Variants in TPRG1 observed in about 807,000 individuals in gnomAD.
TPRG1 encodes the protein tumor protein p63-regulated gene 1 protein.
A neutral mutation model predicts 29.3 loss-of-function variants in TPRG1; 29 were observed. The observed-to-expected ratio is 0.99, with a 90% CI of 0.74 to 1.35. The LOEUF (loss-of-function observed/expected upper bound fraction) is 1.35, where lower values mean the gene tolerates loss of function less well. Ranked by LOEUF, TPRG1 falls within the 40% of genes most tolerant of loss-of-function variation. The probability of loss-of-function intolerance (pLI) is 0.00; values close to 1 mark genes in which losing one functional copy is unlikely to be tolerated. For missense variants in TPRG1, 327 were observed against 335.0 expected (o/e 0.98, Z 0.19); for synonymous variants, 130 against 116.8 (o/e 1.11, Z -0.73).
intron 3 of TPRG1, among the ~76,000 whole-genome samples, chr3:189,145,864 T>C (rs1355426230): frequency 5.9e-5 from 9 of 152,196 alleles, no homozygotes; most frequent in Admixed American, 5.2e-4. Flanking sequence ...GAAAGTACGT[T>C]AATGATGACT....
intron 4 of TPRG1, among the ~76,000 whole-genome samples, chr3:189,274,182 G>A (rs537324158): frequency 1.1e-3 from 160 of 151,312 alleles, no homozygotes; most frequent in Middle Eastern, 3.4e-3. Context: ...AGAGTCTGAT[G>A]AGCCTGTGAG....
intron 4 of TPRG1, among the ~76,000 whole-genome samples, chr3:189,049,957 C>T (rs2152138884): frequency 6.6e-6 from 1 of 152,172 alleles, no homozygotes; most frequent in East Asian, 1.9e-4. Flanking sequence ...GTTCGTAGCC[C>T]TAAACACCTA....
At chr3:189,080,744 C>A (rs1717536391) in intron 4 of TPRG1, among the ~76,000 whole-genome samples, 1 of 151,706 alleles carries the variant, frequency 6.6e-6, no homozygotes, top group Non-Finnish European at 1.5e-5. Flanking sequence ...TATATTGATG[C>A]AGTGTGGGGA....
intron 4 of TPRG1, among the ~76,000 whole-genome samples, chr3:189,291,071 T>G (rs932035392): frequency 4.6e-5 from 7 of 152,008 alleles, no homozygotes; most frequent in African/African-American, 1.7e-4. Context: ...CTGGCTAATT[T>G]TTTTTATTTT....
At chr3:189,246,744 A>G (rs1024077526) in intron 4 of TPRG1, among the ~76,000 whole-genome samples, 2 of 151,966 alleles carry the variant, frequency 1.3e-5, no homozygotes, top group African/African-American at 4.8e-5. Context: ...CTTGAGGAAT[A>G]TTTTCTCTAG....
At chr3:189,164,966 A>G (rs892404814) in intron 5 of TPRG1, among the ~76,000 whole-genome samples, 4 of 152,142 alleles carry the variant, frequency 2.6e-5, no homozygotes, top group African/African-American at 9.7e-5. Flanking sequence ...TTTCCTTCAC[A>G]AAAACCTCCA....
At chr3:189,008,613 C>G (rs1560390733) in intron 3 of TPRG1, among the ~76,000 whole-genome samples, 1 of 151,984 alleles carries the variant, frequency 6.6e-6, no homozygotes, top group African/African-American at 2.4e-5. Flanking sequence ...CCTTCCAAAG[C>G]AGTATTTTTT....
At chr3:189,148,327 A>G (rs968159492) in intron 4 of TPRG1, among the ~76,000 whole-genome samples, 10 of 152,242 alleles carry the variant, frequency 6.6e-5, no homozygotes, top group African/African-American at 2.4e-4. Context: ...TCCTGGCTGC[A>G]AAGGGCTCAC....
chr3:189,320,932 T>G lies in TPRG1; in HGVS notation c.*112T>G, dbSNP rs1355503104. On this transcript the variant is annotated 3_prime_UTR_variant, in exon 6 of 6. Transcript: ENST00000345063. ...CAATTAATTATTTTTAAATGACGCT[T>G]TATGATTTAGAAATTTAGTATTTCC... The G allele has an allele frequency of 2.9e-6, 3 of 1,038,762 alleles. No individual in the cohort carries two copies. The highest frequency in any genetic ancestry group is 3.5e-5 in the Admixed American group (1 of 28,824). 64.3% of individuals were successfully genotyped at this position (1,038,762 alleles called of 1,614,324 possible). A position where few individuals can be genotyped will look rare whatever the true frequency, so the allele number is the denominator to read the frequency against.
intron 4 of TPRG1, among the ~76,000 whole-genome samples, chr3:189,057,256 G>C (rs1471937343): frequency 6.6e-6 from 1 of 152,148 alleles, no homozygotes. Flanking sequence ...GTATGCTTCA[G>C]CCATGAGGTG....
At chr3:189,087,075 T>G (rs1717994755) in intron 4 of TPRG1, among the ~76,000 whole-genome samples, 1 of 152,230 alleles carries the variant, frequency 6.6e-6, no homozygotes, top group African/African-American at 2.4e-5. Context: ...CCTTGAGGAA[T>G]CGCCACACTG....
At chr3:189,111,491 G>A (rs1055672385) in intron 1 of TPRG1, among the ~76,000 whole-genome samples, 7 of 152,112 alleles carry the variant, frequency 4.6e-5, no homozygotes, top group African/African-American at 1.4e-4. Flanking sequence ...TCTTATTTAT[G>A]ATAGGGTTAT....
intron 3 of TPRG1, among the ~76,000 whole-genome samples, chr3:189,221,851 A>G (rs1243542730): frequency 1.3e-5 from 2 of 152,246 alleles, no homozygotes; most frequent in Non-Finnish European, 2.9e-5. Context: ...AGAAACCTAG[A>G]GATTAAATGA....
intron 4 of TPRG1, among the ~76,000 whole-genome samples, chr3:189,305,211 A>C (rs892436632): frequency 6.6e-6 from 1 of 152,206 alleles, no homozygotes; most frequent in African/African-American, 2.4e-5. Context: ...AGAGGAAGCC[A>C]GCTATGTTGC....
chr3:189,229,679 A>G (rs1282688974), intron 3 of TPRG1, among the ~76,000 whole-genome samples: 2 of 152,224 alleles, frequency 1.3e-5, no homozygotes, highest in Non-Finnish European at 2.9e-5. Flanking sequence ...AGAGAGACAC[A>G]GGAAGCACGA....
chr3:189,083,212 A>G (rs1026475958), intron 4 of TPRG1, among the ~76,000 whole-genome samples: 1 of 152,270 alleles, frequency 6.6e-6, no homozygotes, highest in South Asian at 2.1e-4. Flanking sequence ...GGGGCTTCTC[A>G]TTGATACTGC....
chr3:189,050,378 T>C (rs1715239236), intron 4 of TPRG1, among the ~76,000 whole-genome samples: 1 of 152,168 alleles, frequency 6.6e-6, no homozygotes. Context: ...CTTCCTAGCT[T>C]AAATCAGGAA....
intron 4 of TPRG1, among the ~76,000 whole-genome samples, chr3:189,057,023 T>C (rs1031382210): frequency 6.6e-6 from 1 of 152,224 alleles, no homozygotes; most frequent in Non-Finnish European, 1.5e-5. Context: ...AATTAATCAC[T>C]CTTGCTTCCC....
rs377408058 is a variant in TPRG1, at chr3:189,272,452, A to AT, written c.479+33552dup. 8.6e-5 allele frequency among the ~76,000 whole-genome samples: 13 copies of AT among 151,160 alleles called. No homozygotes were observed. The East Asian group carries it at 9.7e-4, about 11-fold the overall frequency. On this transcript the variant is annotated intron_variant, in intron 4 of 5. Coordinates refer to ENST00000345063, the MANE Select transcript of TPRG1 (RefSeq NM_198485.4). ...GAGCTTTCAGATTTAATTTGTGTGT[A>AT]TTTTTTTTTCCTACTAATATACATC...
Sources: allele counts gnomAD v4.1 joint callset (sites outside exome capture counted in the v4.1 genomes callset), GRCh38; gene constraint gnomAD v4.1.1; transcripts MANE v1.5; gene names NCBI Gene and HGNC (gene_info 2026-07-23, HGNC 2026-07-21).